HERC1: variants seen among roughly 807,000 people sequenced by gnomAD.
HERC1 encodes HECT and RLD domain containing E3 ubiquitin protein ligase family member 1.
Under a neutral mutation model 554.3 loss-of-function variants are expected in HERC1, and 160 were observed. The ratio of observed to expected loss-of-function variants is 0.29; its 90% CI spans 0.25 to 0.33. The LOEUF (loss-of-function observed/expected upper bound fraction) is 0.33, where lower values mean the gene tolerates loss of function less well. Among genes scored for constraint, HERC1 ranks in the 10% least tolerant of loss-of-function variants. HERC1 has a pLI of 1.00. For missense variants in HERC1, 4,919 were observed against 5,918.5 expected (o/e 0.83, Z 5.54); for synonymous variants, 2,175 against 2,131.7 (o/e 1.02, Z -0.56).
chr15:63,788,440 T>G (rs542131547), intron 1 of HERC1, among the ~76,000 whole-genome samples: 1 of 152,224 alleles, frequency 6.6e-6, no homozygotes, highest in Non-Finnish European at 1.5e-5. Flanking sequence ...AATTCTATCA[T>G]GACTTCAACA....
chr15:63,695,383 CTTTTTTTTTTT>C (rs35039072), intron 27 of HERC1, among the ~76,000 whole-genome samples: 1 of 103,306 alleles, frequency 9.7e-6, no homozygotes, highest in African/African-American at 4.0e-5. Flanking sequence ...TCTGTATAAT[CTTTTTTTTTTT>C]TTTTTTTTTG....
chr15:63,616,327 A>ATT, intron 75 of HERC1, 103 bp downstream of exon 75: 1 of 1,255,066 alleles, frequency 8.0e-7, no homozygotes, highest in South Asian at 1.4e-5. Context: ...TTGTTCAGCC[A>ATT]GACAGCAAGT....
chr15:63,712,907 G>T lies in HERC1; in HGVS notation c.4464-12C>A. On this transcript the variant is annotated splice_polypyrimidine_tract_variant and intron_variant, in intron 23 of 77. Coordinates refer to ENST00000443617, the MANE Select transcript of HERC1 (RefSeq NM_003922.4). ...TAAGACTTTCACTCCTGTCTCACAT[G>T]TACAAAAAAAAAAGTTTTTTGATTT... 6.3e-7 allele frequency: 1 copy of T among 1,597,518 alleles called. No homozygotes were observed. Among genetic ancestry groups the T allele is most frequent in the African/African-American group, 1.4e-5 (1 of 73,320 alleles).
chr15:63,734,795 C>T lies in HERC1; in HGVS notation c.2575G>A (p.Glu859Lys). 2 of 1,604,468 alleles carry T rather than the reference C, an allele frequency of 1.2e-6. No individual in the cohort carries two copies. Among genetic ancestry groups the T allele is most frequent in the Non-Finnish European group, 1.7e-6 (2 of 1,176,156 alleles). ...AGAGAATGAAGTAATTCCATCCGTTCTCGTAATGGAGGTAACAGCATGGTT... is the reference window on the plus strand; with the variant it reads ...AGAGAATGAAGTAATTCCATCCGTTTTCGTAATGGAGGTAACAGCATGGTT... ...GATMLLPPLRERMELLHSLLP... is the reference protein window; with the variant it reads ...GATMLLPPLRKRMELLHSLLP... The change falls in exon 13 of 78, where the codon GAA becomes AAA. Residue 859 changes from glutamate (E) to lysine (K), a missense_variant. Physicochemically the swap from Glu to Lys is moderately conservative, Grantham distance 56. This residue lies in a region of HERC1 where 744 missense variants were observed against 1,090.0 expected (regional missense o/e 0.68). Transcript: ENST00000443617. The surrounding 1 kb of genome is among the most constrained non-coding windows in gnomAD (Gnocchi z 4.6).
chr15:63,820,924 A>AC (rs147829701), intron 1 of HERC1, among the ~76,000 whole-genome samples: 4,370 of 152,326 alleles, frequency 0.029, 86 homozygotes, highest in African/African-American at 0.058. Context: ...TTAGGGGACA[A>AC]CAAATAGCTT....
chr15:63,680,171 G>A lies in HERC1; in HGVS notation c.6466-11C>T. 1 of 1,599,614 alleles carries A rather than the reference G, an allele frequency of 6.3e-7. No homozygotes were observed. The highest frequency in any genetic ancestry group is 2.2e-5 in the East Asian group (1 of 44,714). ...AGCTAATTTGGGTTCCTACAGTGTGGCAGCAGTGAGGAAAAGAAAAAGGAA... is the reference window on the plus strand; with the variant it reads ...AGCTAATTTGGGTTCCTACAGTGTGACAGCAGTGAGGAAAAGAAAAAGGAA... On this transcript the variant is annotated splice_polypyrimidine_tract_variant and intron_variant, in intron 35 of 77. Transcript: ENST00000443617. This position sits in a 1 kb window ranked among gnomAD's most constrained non-coding sequence, Gnocchi z 5.8.
chr15:63,646,387 A>T (rs2069339388), intron 55 of HERC1, among the ~76,000 whole-genome samples: 1 of 152,110 alleles, frequency 6.6e-6, no homozygotes, highest in Non-Finnish European at 1.5e-5. Flanking sequence ...ACATAGACTT[A>T]TCCATGTATA....
At chr15:63,822,996 T>C (rs1014523697) in intron 1 of HERC1, among the ~76,000 whole-genome samples, 1 of 152,232 alleles carries the variant, frequency 6.6e-6, no homozygotes, top group Non-Finnish European at 1.5e-5. Flanking sequence ...ATAAGAATCA[T>C]ACCTTCTGTG....
At chr15:63,637,196 G>A (rs1312620102) in intron 64 of HERC1, 1 of 495,874 alleles carries the variant, frequency 2.0e-6, no homozygotes, top group East Asian at 5.6e-5. Context: ...ATACATGCAT[G>A]ATTGCTACTG....
In HERC1 at chr15:63,677,751, C is replaced by A; in HGVS notation, c.7070+94G>T. 1 of 1,501,920 alleles carries A rather than the reference C, an allele frequency of 6.7e-7. No homozygotes were observed. The highest frequency in any genetic ancestry group is 8.9e-7 in the Non-Finnish European group (1 of 1,128,068). 93.0% of individuals were successfully genotyped at this position (1,501,920 alleles called of 1,614,324 possible). ...TATTTTTAAAAGTTAACTGGCAGCT[C>A]ACCTAAAATACATAATTACTCACTG... On this transcript the variant is annotated intron_variant, in intron 37 of 77. Transcript: ENST00000443617. This position sits in a 1 kb window ranked among gnomAD's most constrained non-coding sequence, Gnocchi z 4.4.
At chr15:63,653,374 CGGG>C (rs908194156) in intron 51 of HERC1, among the ~76,000 whole-genome samples, 5 of 144,470 alleles carry the variant, frequency 3.5e-5, no homozygotes, top group African/African-American at 1.0e-4. Flanking sequence ...ACCCGGGAGG[CGGG>C]GACTACAGTG....
chr15:63,792,919 G>C (rs2076694079), intron 1 of HERC1, among the ~76,000 whole-genome samples: 1 of 152,212 alleles, frequency 6.6e-6, no homozygotes, highest in South Asian at 2.1e-4. Context: ...TATAAAGCAG[G>C]GTTCCCACAC....
Position 63,622,806 on chromosome 15 carries a change from C to T in HERC1, c.13688+9G>A, listed in dbSNP as rs1229641716. The T allele has an allele frequency of 6.3e-7, 1 of 1,587,976 alleles. No individual in the cohort carries two copies. Among genetic ancestry groups the T allele is most frequent in the Non-Finnish European group, 8.6e-7 (1 of 1,166,278 alleles). On this transcript the variant is annotated intron_variant, in intron 74 of 77. Coordinates refer to ENST00000443617, the MANE Select transcript of HERC1 (RefSeq NM_003922.4). ...TAGACATATAATGAACACTTGCTGACTGCCATACCTGTCCCTATTGTAACC... is the reference window on the plus strand; with the variant it reads ...TAGACATATAATGAACACTTGCTGATTGCCATACCTGTCCCTATTGTAACC...
chr15:63,767,971 A>G (rs1251632631), intron 2 of HERC1, among the ~76,000 whole-genome samples: 1 of 152,166 alleles, frequency 6.6e-6, no homozygotes, highest in Non-Finnish European at 1.5e-5. Flanking sequence ...TTTACTATGT[A>G]AAGCTTCCTG....
rs1319944466 is a variant in HERC1, at chr15:63,641,616, C to T, written c.11461G>A (p.Glu3821Lys). Reference protein sequence around the residue: ...KDVLVVNCTAEWAAANHVLAT... With the variant: ...KDVLVVNCTAKWAAANHVLAT... ...AAAACATGATTGGCAGCTGCCCATT[C>T]TGCTGTACAATTCACGACCAAAACA... The change falls in exon 60 of 78, where the codon GAA (glutamate) becomes AAA (lysine). Residue 3821 changes from glutamate (E) to lysine (K), a missense_variant. Around this residue, in one of 11 missense-constraint regions of HERC1, gnomAD observed 1,963 missense variants for 2,228.6 expected, o/e 0.88. Coordinates refer to ENST00000443617, the MANE Select transcript of HERC1 (RefSeq NM_003922.4). 6.4e-7 allele frequency: 1 copy of T among 1,571,400 alleles called. No individual in the cohort carries two copies.
chr15:63,754,091 T>C (rs1467679156), intron 7 of HERC1, among the ~76,000 whole-genome samples: 1 of 152,022 alleles, frequency 6.6e-6, no homozygotes, highest in Non-Finnish European at 1.5e-5. Flanking sequence ...GGAGGATCGC[T>C]TGAGCCCAGG....
chr15:63,817,070 A>C (rs1444663335), intron 1 of HERC1, among the ~76,000 whole-genome samples: 1 of 152,226 alleles, frequency 6.6e-6, no homozygotes, highest in Non-Finnish European at 1.5e-5. Context: ...AATGAGACTA[A>C]GGGAAACTTA....
chr15:63,710,488 C>T (rs1370398297), intron 24 of HERC1, among the ~76,000 whole-genome samples: 2 of 152,106 alleles, frequency 1.3e-5, no homozygotes, highest in African/African-American at 2.4e-5. Context: ...CTACCTACCA[C>T]GTGCTATTAT....
intron 19 of HERC1, among the ~76,000 whole-genome samples, chr15:63,720,103 C>CCTTTTTTTTTTTTTTTTTTTTT (rs2073747290): frequency 4.2e-5 from 3 of 71,606 alleles, no homozygotes; most frequent in African/African-American, 1.2e-4. Flanking sequence ...TTTTTCTTCC[C>CCTTTTTTTTTTTTTTTTTTTTT]TTTTTTTTTT....
Sources: allele counts gnomAD v4.1 joint callset (sites outside exome capture counted in the v4.1 genomes callset), GRCh38; gene constraint gnomAD v4.1.1; regional missense constraint gnomAD v4.1.1; non-coding constraint Gnocchi (gnomAD v3.1); transcripts MANE v1.5; gene names NCBI Gene and HGNC (gene_info 2026-07-23, HGNC 2026-07-21).